Variants in FRMD4A observed in about 807,000 individuals in gnomAD.
The protein encoded by FRMD4A is FERM domain containing 4A.
FRMD4A carries 29 observed loss-of-function variants against 129.1 expected under a neutral mutation model. The observed-to-expected ratio is 0.22, with a 90% CI of 0.17 to 0.31. The LOEUF is 0.31. Among genes scored for constraint, FRMD4A ranks in the 10% least tolerant of loss-of-function variants. FRMD4A has a pLI of 1.00. For missense variants in FRMD4A, 1,272 were observed against 1,375.8 expected, an observed-to-expected ratio of 0.92 and a Z score of 1.19; for synonymous variants, 634 against 571.6, an observed-to-expected ratio of 1.11 and a Z score of -1.56.
chr10:13,947,239 G>C (rs1360394895), intron 2 of FRMD4A, among the ~76,000 whole-genome samples: 2 of 152,162 alleles, frequency 1.3e-5, no homozygotes, highest in African/African-American at 4.8e-5. Context: ...GATGCGCTAG[G>C]AGAAAGAGGC....
intron 2 of FRMD4A, among the ~76,000 whole-genome samples, chr10:14,207,833 C>T (rs1001401346): frequency 6.6e-6 from 1 of 152,004 alleles, no homozygotes; most frequent in African/African-American, 2.4e-5. Flanking sequence ...TTTACATTTT[C>T]AGTGTTATAC....
At chr10:13,888,400 A>G (rs10906533) in intron 2 of FRMD4A, among the ~76,000 whole-genome samples, 68,791 of 151,986 alleles carry the variant, frequency 0.45, 16,232 homozygotes, top group Non-Finnish European at 0.53. Context: ...TGTTCCTTTC[A>G]TGACATTTCC....
At chr10:13,827,233 A>T (rs1393592348) in intron 3 of FRMD4A, among the ~76,000 whole-genome samples, 1 of 152,192 alleles carries the variant, frequency 6.6e-6, no homozygotes, top group African/African-American at 2.4e-5. Flanking sequence ...AGAAGTACAC[A>T]TAAGGGGTAT....
Position 14,073,078 on chromosome 10 carries a change from T to C in FRMD4A, c.46-214166A>G, listed in dbSNP as rs1435916042. On this transcript the variant is annotated intron_variant, in intron 2 of 24. Transcript: ENST00000357447. ...AAAGAAACAAAAACAAGACATACAC[T>C]ACGAGAACCCCTTGTAACCTGCACC... Among the ~76,000 whole-genome samples the C allele has an allele frequency of 2.6e-5, 4 of 152,152 alleles. No homozygotes were observed. In the South Asian group the frequency reaches 8.3e-4, roughly 32 times the overall value.
chr10:13,767,626 T>C (rs1417137663), intron 6 of FRMD4A, among the ~76,000 whole-genome samples: 1 of 152,230 alleles, frequency 6.6e-6, no homozygotes, highest in African/African-American at 2.4e-5. Context: ...CCCATTTTTT[T>C]CCTGGGATTC....
chr10:14,162,640 TG>T lies in FRMD4A; in HGVS notation c.45+167417del, dbSNP rs1290139096. ...GTCTTGAGTTTCTCTGTTTTTTTTT[TG>T]TTTTTTTTTTTTTTTTTTGTATATG... On this transcript the variant is annotated intron_variant, in intron 2 of 24. Transcript: ENST00000357447. 8.7e-3 allele frequency among the ~76,000 whole-genome samples: 1,186 copies of T among 135,558 alleles called. 42 individuals carry two copies. Among genetic ancestry groups the T allele is most frequent in the African/African-American group, 0.034 (1,061 of 31,404 alleles). 88.9% of individuals were successfully genotyped at this position (135,558 alleles called of 152,430 possible). A position where few individuals can be genotyped will look rare whatever the true frequency, so the allele number is the denominator to read the frequency against.
Position 13,656,637 on chromosome 10 carries a change from T to C in FRMD4A, c.2952A>G (p.Ser984=). The change falls in exon 22 of 25, where the codon TCA becomes TCG. Residue 984 remains serine (S), a splice_region_variant and synonymous_variant. Transcript: ENST00000357447. ...TRMPQMCKAT[S]AALPQSQRSS... The stretch of plus-strand genomic sequence containing the variant: ...GTGCACCTGGCCGCCCCCTCTCACC[T>C]GACGTGGCCTTGCACATCTGGGGCA... The C allele has an allele frequency of 7.0e-7, 1 of 1,426,770 alleles. No homozygotes were observed. The highest frequency in any genetic ancestry group is 9.2e-7 in the Non-Finnish European group (1 of 1,081,190). The allele number at this position is 1,426,770 out of a possible 1,614,324, so 88.4% of individuals were successfully genotyped here.
At chr10:14,287,937 G>A (rs989955369) in intron 2 of FRMD4A, among the ~76,000 whole-genome samples, 1 of 151,850 alleles carries the variant, frequency 6.6e-6, no homozygotes, top group Non-Finnish European at 1.5e-5. Flanking sequence ...TCTCAAAGTG[G>A]CTTACACGCT....
At position 13,693,911 on chromosome 10, in the gene FRMD4A, G is replaced by A. The variant is rs1359005142; in HGVS notation, c.1104C>T (p.Ser368=). 2.5e-6 allele frequency: 4 copies of A among 1,607,170 alleles called. No individual in the cohort carries two copies. Among genetic ancestry groups the A allele is most frequent in the Non-Finnish European group, 3.4e-6 (4 of 1,177,702 alleles). The change falls in exon 15 of 25, where the codon AGC becomes AGT. Residue 368 remains serine (S), a synonymous_variant. Coordinates refer to ENST00000357447, the MANE Select transcript of FRMD4A (RefSeq NM_018027.5). ...GCCTCTGCCTACCTGAAGACAGCAG[G>A]CTGCCGCTGCTGCCGCTGATGATCT... ...KGKIISGSSG[S]LLSSGSQESD...
intron 2 of FRMD4A, among the ~76,000 whole-genome samples, chr10:14,294,065 A>G (rs1282904239): frequency 6.6e-6 from 1 of 152,228 alleles, no homozygotes; most frequent in Non-Finnish European, 1.5e-5. Flanking sequence ...CCCAAAATAC[A>G]GACTGGTTGA....
chr10:13,951,984 C>T (rs1039456979), intron 2 of FRMD4A, among the ~76,000 whole-genome samples: 1 of 149,744 alleles, frequency 6.7e-6, no homozygotes, highest in African/African-American at 2.4e-5. Context: ...GTTCTCTTTG[C>T]TTTTTCAAGT....
In FRMD4A at chr10:13,660,337, C is replaced by G. The variant is rs777877298; in HGVS notation, c.1877G>C (p.Arg626Pro). The change falls in exon 20 of 25, where the codon CGC (arginine) becomes CCC (proline). Residue 626 changes from arginine to proline, a missense_variant. Physicochemically the swap from Arg to Pro is moderately radical, Grantham distance 103 (BLOSUM62 -2). This residue lies in a region of FRMD4A where 972 missense variants were observed against 892.3 expected (regional missense o/e 1.09). Transcript: ENST00000357447. ...TCACCTGGAATGGCTGTGAGAGGAG[C>G]GCTTCTTGACCTTCTCATAGGGTTC... ...LDEPYEKVKK[R>P]SSHSHSSSHK... The G allele has an allele frequency of 2.8e-5, 45 of 1,612,342 alleles. No individual in the cohort carries two copies. The highest frequency in any genetic ancestry group is 3.6e-5 in the Non-Finnish European group (43 of 1,178,544).
chr10:13,772,903 T>C (rs2092497894), intron 6 of FRMD4A, among the ~76,000 whole-genome samples: 1 of 152,190 alleles, frequency 6.6e-6, no homozygotes, highest in Admixed American at 6.5e-5. Context: ...ACAGGGTAAC[T>C]GTGGTCAATA....
intron 2 of FRMD4A, among the ~76,000 whole-genome samples, chr10:14,259,158 T>G (rs1056341574): frequency 6.6e-6 from 1 of 152,200 alleles, no homozygotes; most frequent in African/African-American, 2.4e-5. Flanking sequence ...ACATTAATTA[T>G]GCCTTGACAA....
chr10:13,871,981 T>C (rs2131087507), intron 2 of FRMD4A, among the ~76,000 whole-genome samples: 1 of 152,372 alleles, frequency 6.6e-6, no homozygotes, highest in Admixed American at 6.5e-5. Context: ...AGTGTGATCC[T>C]CCAGAAGTTA....
At chr10:13,757,221 T>C (rs896874500) in intron 8 of FRMD4A, among the ~76,000 whole-genome samples, 4 of 152,256 alleles carry the variant, frequency 2.6e-5, no homozygotes, top group Non-Finnish European at 5.9e-5. Context: ...GAATTGTTTT[T>C]AAAGAGAAAT....
chr10:14,050,021 G>C (rs537439762), intron 2 of FRMD4A, among the ~76,000 whole-genome samples: 1 of 152,232 alleles, frequency 6.6e-6, no homozygotes, highest in Admixed American at 6.5e-5. Flanking sequence ...AGCTGCCTTT[G>C]ACTGTAGGCT....
chr10:13,810,773 G>A, intron 4 of FRMD4A, 41 bp downstream of exon 4: 1 of 1,085,340 alleles, frequency 9.2e-7, no homozygotes, highest in Non-Finnish European at 1.4e-6. Context: ...GTTCTGCACT[G>A]ACTCTCCCTT....
intron 2 of FRMD4A, among the ~76,000 whole-genome samples, chr10:14,147,252 C>T (rs1257506803): frequency 6.6e-6 from 1 of 151,928 alleles, no homozygotes; most frequent in Non-Finnish European, 1.5e-5. Flanking sequence ...CAGAGCCAAC[C>T]CTGATGGTCA....
Sources: allele counts gnomAD v4.1 joint callset (sites outside exome capture counted in the v4.1 genomes callset), GRCh38; gene constraint gnomAD v4.1.1; regional missense constraint gnomAD v4.1.1; transcripts MANE v1.5; gene names NCBI Gene and HGNC (gene_info 2026-07-23, HGNC 2026-07-21).